ACVR2A: variants seen among roughly 807,000 people sequenced by gnomAD.
ACVR2A encodes activin A receptor type 2A.
A neutral mutation model predicts 61.4 loss-of-function variants in ACVR2A; 7 were observed. The observed-to-expected ratio is 0.11, with a 90% CI of 0.06 to 0.21. The LOEUF (loss-of-function observed/expected upper bound fraction) is 0.21. ACVR2A is among the 10% of genes least tolerant of loss of function. The pLI, the probability that ACVR2A is intolerant of heterozygous loss-of-function variation, is 1.00. For missense variants in ACVR2A, 322 were observed against 621.7 expected (o/e 0.52, Z 5.13); for synonymous variants, 193 against 208.3 (o/e 0.93, Z 0.63).
intron 1 of ACVR2A, among the ~76,000 whole-genome samples, chr2:147,876,755 T>C (rs918709189): frequency 2.3e-4 from 35 of 152,158 alleles, no homozygotes; most frequent in African/African-American, 8.2e-4. Flanking sequence ...AAGGAGAGGA[T>C]ACGTGAGTTC....
Position 147,855,072 on chromosome 2 carries a change from G to A in ACVR2A, c.55+9865G>A, listed in dbSNP as rs1685535871. Among the ~76,000 whole-genome samples, 4 of 152,132 alleles carry A rather than the reference G, an allele frequency of 2.6e-5. No individual in the cohort carries two copies. In the South Asian group the frequency reaches 8.3e-4, roughly 32 times the overall value. On this transcript the variant is annotated intron_variant, in intron 1 of 10. Coordinates refer to ENST00000241416, the MANE Select transcript of ACVR2A (RefSeq NM_001616.5). ...ATTTTTGTATTTTTGGTAGAGAGGG[G>A]GTTTAACCATGTTGGGCAGGCTGGT...
At chr2:147,870,166 T>TA (rs1685973511) in intron 1 of ACVR2A, among the ~76,000 whole-genome samples, 1 of 151,882 alleles carries the variant, frequency 6.6e-6, no homozygotes, top group South Asian at 2.1e-4. Context: ...TAAAGCAAAA[T>TA]AAAAAAATTA....
In ACVR2A at chr2:147,896,404, C is replaced by T. The variant is rs1436669424; in HGVS notation, c.159C>T (p.Asp53=). The change falls in exon 2 of 11, where the codon GAC becomes GAT. Residue 53 remains aspartate (D), a synonymous_variant. Coordinates refer to ENST00000241416, the MANE Select transcript of ACVR2A (RefSeq NM_001616.5). The stretch of plus-strand genomic sequence containing the variant: ...CTGGTGTTGAACCGTGTTATGGTGA[C>T]AAAGATAAACGGCGGCATTGTTTTG... ...NQTGVEPCYG[D]KDKRRHCFAT... 2 of 1,613,772 alleles carry T rather than the reference C, an allele frequency of 1.2e-6. No individual in the cohort carries two copies. Among genetic ancestry groups the T allele is most frequent in the African/African-American group, 2.7e-5 (2 of 74,862 alleles).
chr2:147,897,045 G>T (rs1257594249), intron 2 of ACVR2A: 1 of 140,554 alleles, frequency 7.1e-6, no homozygotes, highest in Non-Finnish European at 1.5e-5. Context: ...TTTCGCTCTT[G>T]TTGCCCAGGC....
chr2:147,850,075 G>A (rs1272467645), intron 1 of ACVR2A, among the ~76,000 whole-genome samples: 1 of 151,938 alleles, frequency 6.6e-6, no homozygotes, highest in African/African-American at 2.4e-5. Context: ...TGATACTAGG[G>A]GTCACTGGTA....
At chr2:147,865,902 C>A (rs929360067) in intron 1 of ACVR2A, among the ~76,000 whole-genome samples, 1 of 152,084 alleles carries the variant, frequency 6.6e-6, no homozygotes, top group Non-Finnish European at 1.5e-5. Flanking sequence ...GGTAATTTTT[C>A]CTACAGGGAC....
chr2:147,857,791 C>G (rs965272794), intron 1 of ACVR2A, among the ~76,000 whole-genome samples: 5 of 151,886 alleles, frequency 3.3e-5, no homozygotes, highest in African/African-American at 1.2e-4. Context: ...CACACACAAG[C>G]CCAAGCATAC....
At chr2:147,868,855 C>T (rs1259921683) in intron 1 of ACVR2A, among the ~76,000 whole-genome samples, 1 of 151,982 alleles carries the variant, frequency 6.6e-6, no homozygotes, top group Non-Finnish European at 1.5e-5. Flanking sequence ...CTGGTCTCCA[C>T]CTCCAGGGCT....
intron 1 of ACVR2A, among the ~76,000 whole-genome samples, chr2:147,860,177 C>T (rs1362703194): frequency 6.6e-6 from 1 of 152,106 alleles, no homozygotes; most frequent in Admixed American, 6.5e-5. Flanking sequence ...CTCCTTCATT[C>T]CTCACCACCA....
At chr2:147,878,800 T>A (rs1249109318) in intron 1 of ACVR2A, among the ~76,000 whole-genome samples, 2 of 152,124 alleles carry the variant, frequency 1.3e-5, no homozygotes, top group East Asian at 3.9e-4. Context: ...TCCCAGCTAT[T>A]TGGGAGGCTA....
At chr2:147,866,518 A>T (rs556019368) in intron 1 of ACVR2A, among the ~76,000 whole-genome samples, 1 of 152,296 alleles carries the variant, frequency 6.6e-6, no homozygotes, top group Non-Finnish European at 1.5e-5. Context: ...AACAATTTAT[A>T]CAGGCACATG....
intron 1 of ACVR2A, among the ~76,000 whole-genome samples, chr2:147,876,758 G>C (rs1319010304): frequency 6.6e-6 from 1 of 152,124 alleles, no homozygotes; most frequent in Non-Finnish European, 1.5e-5. Context: ...GAGAGGATAC[G>C]TGAGTTCCAC....
At chr2:147,850,383 C>T (rs1380876165) in intron 1 of ACVR2A, among the ~76,000 whole-genome samples, 2 of 152,064 alleles carry the variant, frequency 1.3e-5, no homozygotes, top group Non-Finnish European at 2.9e-5. Context: ...CCTCGCACAC[C>T]CTCTTGGGAA....
chr2:147,888,925 ACAT>A, intron 1 of ACVR2A, among the ~76,000 whole-genome samples: 1 of 152,210 alleles, frequency 6.6e-6, no homozygotes, highest in African/African-American at 2.4e-5. Context: ...GTTAAGTATG[ACAT>A]CAACTGTAGG....
intron 6 of ACVR2A, 44 bp from the exon 7 acceptor site, chr2:147,918,403 C>CTTATACATAAA: frequency 6.4e-7 from 1 of 1,564,762 alleles, no homozygotes; most frequent in African/African-American, 1.4e-5. Flanking sequence ...ATACATATGG[C>CTTATACATAAA]CTTTGTCAAG....
intron 1 of ACVR2A, among the ~76,000 whole-genome samples, chr2:147,862,757 T>A (rs1222269071): frequency 1.4e-5 from 2 of 147,022 alleles, no homozygotes; most frequent in Non-Finnish European, 3.0e-5. Flanking sequence ...AAAAAAAAAA[T>A]TGTTTTTCTA....
At chr2:147,887,955 G>A (rs1371714792) in intron 1 of ACVR2A, among the ~76,000 whole-genome samples, 1 of 152,128 alleles carries the variant, frequency 6.6e-6, no homozygotes, top group Non-Finnish European at 1.5e-5. Flanking sequence ...AGGTTTTTCT[G>A]GGAGGCTTTC....
At chr2:147,917,527 G>C in intron 6 of ACVR2A, 101 bp downstream of exon 6, 1 of 1,209,308 alleles carries the variant, frequency 8.3e-7, no homozygotes, top group Non-Finnish European at 1.2e-6. Flanking sequence ...ACATCTTATA[G>C]TTGATTAATA....
chr2:147,915,099 G>T, intron 4 of ACVR2A, 92 bp from the exon 5 acceptor site: 2 of 1,214,970 alleles, frequency 1.6e-6, no homozygotes, highest in South Asian at 1.3e-5. Flanking sequence ...TCTGTCAGTT[G>T]ACTTTTCAGT....
Sources: gnomAD v4.1 joint callset for allele counts (sites outside exome capture counted in the v4.1 genomes callset) on GRCh38, gnomAD v4.1.1 for gene constraint, MANE v1.5 for transcripts, NCBI Gene and HGNC (gene_info 2026-07-23, HGNC 2026-07-21) for gene names.